The following PTPN20 variants were observed in gnomAD, a reference collection of about 807,000 sequenced individuals.
PTPN20 encodes the protein tyrosine-protein phosphatase non-receptor type 20.
In PTPN20, 9 loss-of-function variants were observed where a neutral mutation model predicts 35.0. The observed-to-expected ratio is 0.26, with a 90% CI of 0.15 to 0.45. The LOEUF is 0.45. Ranked by LOEUF, PTPN20 falls within the 20% of genes least tolerant of loss-of-function variation. The pLI is 1.00. For synonymous variants in PTPN20, 32 were observed against 100.2 expected (o/e 0.32, Z 4.06); for missense variants, 111 against 312.5 (o/e 0.36, Z 4.86).
At chr10:46,945,008 G>C (rs1285059493) in intron 4 of PTPN20, among the ~76,000 whole-genome samples, 16 of 143,296 alleles carry the variant, frequency 1.1e-4, no homozygotes, top group Admixed American at 4.1e-4. Flanking sequence ...AGGTGAAAAA[G>C]AGAAGAACAT....
At chr10:46,997,789 A>G (rs1002744147) in intron 9 of PTPN20, among the ~76,000 whole-genome samples, 1 of 152,184 alleles carries the variant, frequency 6.6e-6, no homozygotes, top group African/African-American at 2.4e-5. Context: ...CATACAGATG[A>G]CAAGCACGTG....
In PTPN20 at chr10:46,911,454, G is replaced by A. The variant is rs1212962519; in HGVS notation, c.-171G>A. ...GGCTAGGCGTGGACCCAACTGGCGA[G>A]GCTGCTGGGGTTGCAGCGGGACAGT... On this transcript the variant is annotated 5_prime_UTR_variant, in exon 1 of 11. Transcript: ENST00000374339. The A allele has an allele frequency of 9.8e-6, 3 of 305,892 alleles. No individual in the cohort carries two copies. Among genetic ancestry groups the A allele is most frequent in the African/African-American group, 7.2e-5 (3 of 41,956 alleles). 18.9% of individuals were successfully genotyped at this position (305,892 alleles called of 1,614,324 possible). A position where few individuals can be genotyped will look rare whatever the true frequency, so the allele number is the denominator to read the frequency against.
intron 2 of PTPN20, among the ~76,000 whole-genome samples, chr10:46,939,724 C>T (rs570248388): frequency 2.0e-5 from 3 of 151,160 alleles, no homozygotes; most frequent in East Asian, 2.0e-4. Flanking sequence ...TATACATTTT[C>T]CCTCTATCTA....
In PTPN20 at chr10:47,000,994, T is replaced by C. The variant is rs1426630238; in HGVS notation, c.*253T>C. 4 of 553,852 alleles carry C rather than the reference T, an allele frequency of 7.2e-6. No homozygotes were observed. The Admixed American group carries it at 1.3e-4, about 18-fold the overall frequency. 34.3% of individuals were successfully genotyped at this position (553,852 alleles called of 1,614,324 possible). A position where few individuals can be genotyped will look rare whatever the true frequency, so the allele number is the denominator to read the frequency against. ...ATTTTCCAGTGAAACAGATGTTACA[T>C]AAAACGATTGCAGCTTGGCTATTTG... On this transcript the variant is annotated 3_prime_UTR_variant, in exon 11 of 11. Coordinates refer to ENST00000374339, the MANE Select transcript of PTPN20 (RefSeq NM_001042357.5).
downstream of PTPN20, among the ~76,000 whole-genome samples, chr10:47,003,466 AG>A (rs2060136451): frequency 6.6e-6 from 1 of 152,120 alleles, no homozygotes; most frequent in African/African-American, 2.4e-5. Context: ...TAGAAATAAT[AG>A]ACTCAACTCA....
At position 46,931,660 on chromosome 10, in the gene PTPN20, T is replaced by G. The variant is rs1402899572; in HGVS notation, c.-123-717T>G. On this transcript the variant is annotated intron_variant, in intron 1 of 10. Transcript: ENST00000374339. ...CCTTGGCCTCCCAAAGTGCTAGGAT[T>G]GTAGGCATGAGCCACTACACCTAGT... Among the ~76,000 whole-genome samples the G allele has an allele frequency of 6.4e-4, 92 of 143,684 alleles. 3 individuals carry two copies. The highest frequency in any genetic ancestry group is 9.4e-4 in the Non-Finnish European group (63 of 67,352). The allele number at this position is 143,684 out of a possible 152,430, so 94.3% of individuals were successfully genotyped here. A position where few individuals can be genotyped will look rare whatever the true frequency, so the allele number is the denominator to read the frequency against.
intron 1 of PTPN20, among the ~76,000 whole-genome samples, chr10:46,930,017 T>C (rs1212643348): frequency 2.8e-5 from 4 of 143,394 alleles, no homozygotes; most frequent in Non-Finnish European, 5.9e-5. Flanking sequence ...CTAGAAAACA[T>C]GCCAGGAAAG....
intron 10 of PTPN20, 142 bp from the exon 11 acceptor site, chr10:47,000,534 A>G: frequency 1.2e-6 from 1 of 862,812 alleles, no homozygotes; most frequent in East Asian, 2.6e-5. Flanking sequence ...ATTCACGTAA[A>G]GTTCTTAAGT....
chr10:46,996,715 A>G (rs2059157896), intron 9 of PTPN20, among the ~76,000 whole-genome samples: 2 of 152,274 alleles, frequency 1.3e-5, no homozygotes, highest in South Asian at 4.1e-4. Context: ...AGTTGTTTCA[A>G]TATCATTTAT....
At chr10:46,949,209 C>T (rs2045936800) in intron 5 of PTPN20, among the ~76,000 whole-genome samples, 1 of 152,168 alleles carries the variant, frequency 6.6e-6, no homozygotes, top group African/African-American at 2.4e-5. Flanking sequence ...ATGGTTCTTC[C>T]CGTTTCCTGC....
intron 5 of PTPN20, among the ~76,000 whole-genome samples, chr10:46,959,759 A>G (rs1172502536): frequency 8.2e-6 from 1 of 122,380 alleles, no homozygotes; most frequent in African/African-American, 3.1e-5. Flanking sequence ...TCAGTAAAAT[A>G]CAAAAAAAAA....
At position 46,932,516 on chromosome 10, in the gene PTPN20, A is replaced by T. The variant is rs2040049169; in HGVS notation, c.17A>T (p.Asp6Val). The T allele has an allele frequency of 6.2e-7, 1 of 1,611,886 alleles. No individual in the cohort carries two copies. Among genetic ancestry groups the T allele is most frequent in the Non-Finnish European group, 8.5e-7 (1 of 1,179,912 alleles). MSSPR[D>V]FRAEPVNDYE... ...GGGAACAACATGTCTTCACCTAGGG[A>T]CTTTAGAGCAGAGCCTGGTAGGTGC... is the stretch of plus-strand genomic sequence containing the variant. Residue 6 changes from aspartate (D) to valine (V), a missense_variant, in exon 2 of 11, where the codon GAC becomes GTC. Coordinates refer to ENST00000374339, the MANE Select transcript of PTPN20 (RefSeq NM_001042357.5).
At chr10:46,976,021 GA>G (rs2053475156) in intron 7 of PTPN20, among the ~76,000 whole-genome samples, 1 of 149,782 alleles carries the variant, frequency 6.7e-6, no homozygotes, top group African/African-American at 2.5e-5. Flanking sequence ...ATAGCTCACC[GA>G]AACCTCAAAC....
At chr10:46,979,963 A>T (rs1292782824) in intron 7 of PTPN20, among the ~76,000 whole-genome samples, 1 of 151,078 alleles carries the variant, frequency 6.6e-6, no homozygotes, top group African/African-American at 2.4e-5. Flanking sequence ...ACAGGATATT[A>T]CAGAGGTTTA....
Position 46,954,117 on chromosome 10 carries a change from A to G in PTPN20, c.340+7442A>G, listed in dbSNP as rs1403197657. On this transcript the variant is annotated intron_variant, in intron 5 of 10. Transcript: ENST00000374339. The stretch of plus-strand genomic sequence containing the variant: ...TTTTTTTTTGGGGGGGGGTGCTTTT[A>G]TAACAAAATATCCAAGAATGGATCT... Among the ~76,000 whole-genome samples, 2 of 63,444 alleles carry G rather than the reference A, an allele frequency of 3.2e-5. 1 individual carries two copies. The highest frequency in any genetic ancestry group is 1.7e-4 in the African/African-American group (2 of 12,018). 41.6% of individuals were successfully genotyped at this position (63,444 alleles called of 152,430 possible). A position where few individuals can be genotyped will look rare whatever the true frequency, so the allele number is the denominator to read the frequency against.
intron 5 of PTPN20, among the ~76,000 whole-genome samples, chr10:46,949,129 C>A (rs1418704909): frequency 1.9e-4 from 29 of 152,112 alleles, no homozygotes; most frequent in African/African-American, 7.0e-4. Flanking sequence ...AGAAATAGGT[C>A]TAAGTGGGGC....
At chr10:46,963,822 C>A (rs1555158404) in intron 5 of PTPN20, among the ~76,000 whole-genome samples, 1 of 80,370 alleles carries the variant, frequency 1.2e-5, no homozygotes, top group Non-Finnish European at 2.2e-5. Context: ...TTCATTCTCC[C>A]AGCTTTTGTA....
At chr10:46,995,354 G>C (rs1340998731) in intron 9 of PTPN20, among the ~76,000 whole-genome samples, 2 of 19,748 alleles carry the variant, frequency 1.0e-4, no homozygotes, top group East Asian at 1.5e-3. Context: ...TTTTTTTTTT[G>C]GTGAGGGGCT....
At chr10:46,997,682 T>C (rs1438038357) in intron 9 of PTPN20, among the ~76,000 whole-genome samples, 2 of 147,220 alleles carry the variant, frequency 1.4e-5, no homozygotes, top group Non-Finnish European at 3.0e-5. Context: ...AGGCCTTGGA[T>C]CTAGAATTTA....
Sources: gnomAD v4.1 joint callset for allele counts (sites outside exome capture counted in the v4.1 genomes callset) on GRCh38, gnomAD v4.1.1 for gene constraint, MANE v1.5 for transcripts, NCBI Gene and HGNC (gene_info 2026-07-23, HGNC 2026-07-21) for gene names.